AFF3: variants seen among roughly 807,000 people sequenced by gnomAD.
AFF3 encodes the protein ALF transcription elongation factor 3.
Under a neutral mutation model 129.7 loss-of-function variants are expected in AFF3, and 32 were observed. The observed-to-expected ratio is 0.25, with a 90% CI of 0.19 to 0.33. The LOEUF is 0.33. Ranked by LOEUF, AFF3 falls within the 10% of genes least tolerant of loss-of-function variation. The pLI is 1.00. For missense variants in AFF3, 1,373 were observed against 1,592.0 expected (o/e 0.86, Z 2.34); for synonymous variants, 644 against 635.4 (o/e 1.01, Z -0.20).
chr2:99,880,641 C>T (rs1486541518), intron 7 of AFF3, among the ~76,000 whole-genome samples: 1 of 152,094 alleles, frequency 6.6e-6, no homozygotes, highest in Non-Finnish European at 1.5e-5. Flanking sequence ...AAAGGTGCTA[C>T]CCACCCTGGA....
At chr2:99,642,643 C>A (rs990238245) in intron 13 of AFF3, among the ~76,000 whole-genome samples, 7 of 152,176 alleles carry the variant, frequency 4.6e-5, no homozygotes, top group Non-Finnish European at 1.5e-5. Context: ...GGTTACCAAG[C>A]CAGAAATATT....
At chr2:100,061,170 T>C (rs1230901733) in intron 4 of AFF3, among the ~76,000 whole-genome samples, 1 of 152,200 alleles carries the variant, frequency 6.6e-6, no homozygotes, top group African/African-American at 2.4e-5. Flanking sequence ...ACCTCTAAGT[T>C]ACTTTCTTTC....
chr2:99,861,114 T>C (rs1690962263), intron 7 of AFF3, among the ~76,000 whole-genome samples: 1 of 152,206 alleles, frequency 6.6e-6, no homozygotes, highest in Admixed American at 6.5e-5. Context: ...ATCCAAATTC[T>C]TTAGGTTTCT....
chr2:99,715,514 G>T (rs1028824221), intron 11 of AFF3, among the ~76,000 whole-genome samples: 1 of 152,146 alleles, frequency 6.6e-6, no homozygotes, highest in Non-Finnish European at 1.5e-5. Flanking sequence ...GCTTATAACA[G>T]TTATAAGACT....
intron 7 of AFF3, among the ~76,000 whole-genome samples, chr2:99,917,048 C>T (rs1576344546): frequency 6.6e-6 from 1 of 152,190 alleles, no homozygotes; most frequent in East Asian, 1.9e-4. Flanking sequence ...CATACACTTG[C>T]TATGATGACT....
intron 10 of AFF3, among the ~76,000 whole-genome samples, chr2:99,741,648 G>A (rs908410526): frequency 6.3e-4 from 96 of 152,024 alleles, no homozygotes; most frequent in Non-Finnish European, 1.3e-3. Context: ...TACTGCCCAA[G>A]GTAATTTACA....
intron 7 of AFF3, among the ~76,000 whole-genome samples, chr2:99,970,824 C>T (rs564308798): frequency 6.6e-6 from 1 of 152,306 alleles, no homozygotes; most frequent in Admixed American, 6.5e-5. Flanking sequence ...ATGGGGGAGG[C>T]GTGTCTCACG....
intron 13 of AFF3, among the ~76,000 whole-genome samples, chr2:99,605,027 T>C (rs1189489870): frequency 6.6e-6 from 1 of 152,230 alleles, no homozygotes; most frequent in East Asian, 1.9e-4. Context: ...TTTTGAAAAC[T>C]GGCACTTTAA....
At chr2:100,096,535 T>G (rs1389148894) in intron 4 of AFF3, among the ~76,000 whole-genome samples, 1 of 144,538 alleles carries the variant, frequency 6.9e-6, no homozygotes, top group Non-Finnish European at 1.5e-5. Context: ...TTGAAAGGTC[T>G]TCTTTTCAAA....
rs1262680116 is a variant in AFF3 at position 99,551,127 on chromosome 2, GTGTC to G, written c.*343_*346del. The G allele has an allele frequency of 1.6e-5, 7 of 437,660 alleles. No individual in the cohort carries two copies. Among genetic ancestry groups the G allele is most frequent in the Non-Finnish European group, 2.8e-5 (7 of 247,266 alleles). The allele number at this position is 437,660 out of a possible 1,614,324, so 27.1% of individuals were successfully genotyped here. On this transcript the variant is annotated 3_prime_UTR_variant, in exon 25 of 25. Transcript: ENST00000672756. The stretch of plus-strand genomic sequence containing the variant: ...AGCACTGGAATGGAATAGAAAGTGT[GTGTC>G]TGTGATTGTGTGTGAGTGTACGGTG...
intron 4 of AFF3, among the ~76,000 whole-genome samples, chr2:100,064,946 T>C (rs931706890): frequency 1.3e-5 from 2 of 152,240 alleles, no homozygotes; most frequent in African/African-American, 4.8e-5. Context: ...AATCCCTTTT[T>C]CAGCTGGTTT....
intron 19 of AFF3, among the ~76,000 whole-genome samples, chr2:99,566,519 A>G (rs904664940): frequency 6.6e-6 from 1 of 152,144 alleles, no homozygotes; most frequent in Non-Finnish European, 1.5e-5. Context: ...CTGTGCTCCA[A>G]CCTGGATAAC....
chr2:99,707,773 A>T (rs182055455), intron 11 of AFF3: 1 of 477,170 alleles, frequency 2.1e-6, no homozygotes, highest in Admixed American at 6.5e-5. Flanking sequence ...CCATCCTATG[A>T]CCTCAGTTTT....
intron 7 of AFF3, among the ~76,000 whole-genome samples, chr2:99,998,373 G>A (rs1378458049): frequency 2.0e-5 from 3 of 152,070 alleles, no homozygotes; most frequent in Non-Finnish European, 4.4e-5. Context: ...CATGAAAGTG[G>A]GGGGTTTCAG....
intron 7 of AFF3, among the ~76,000 whole-genome samples, chr2:99,945,124 A>G (rs1385066814): frequency 6.6e-6 from 1 of 152,214 alleles, no homozygotes; most frequent in East Asian, 1.9e-4. Flanking sequence ...ATGCAGGATG[A>G]TAAGGCTGGT....
chr2:99,724,745 C>T (rs1249036362), intron 11 of AFF3, among the ~76,000 whole-genome samples: 1 of 152,052 alleles, frequency 6.6e-6, no homozygotes, highest in Non-Finnish European at 1.5e-5. Context: ...TACCTCATAC[C>T]CAATTATAAC....
chr2:100,014,954 A>G (rs1573117871), intron 4 of AFF3, among the ~76,000 whole-genome samples: 1 of 121,658 alleles, frequency 8.2e-6, no homozygotes, highest in Non-Finnish European at 1.7e-5. Flanking sequence ...CAGCCAGCTA[A>G]TTTTTTTTTT....
intron 7 of AFF3, among the ~76,000 whole-genome samples, chr2:99,865,438 G>T (rs1273171325): frequency 1.3e-5 from 2 of 152,142 alleles, no homozygotes; most frequent in Non-Finnish European, 2.9e-5. Flanking sequence ...AAATTGCTTG[G>T]GTGAGCCACA....
chr2:99,758,905 T>C (rs974677828), intron 8 of AFF3, among the ~76,000 whole-genome samples: 1 of 152,228 alleles, frequency 6.6e-6, no homozygotes, highest in African/African-American at 2.4e-5. Flanking sequence ...CTCACCCTAG[T>C]ACTCAAGACC....
Sources: allele counts gnomAD v4.1 joint callset (sites outside exome capture counted in the v4.1 genomes callset), GRCh38; gene constraint gnomAD v4.1.1; transcripts MANE v1.5; gene names NCBI Gene and HGNC (gene_info 2026-07-23, HGNC 2026-07-21).